Variants in APH1B observed in about 807,000 individuals in gnomAD.
APH1B encodes gamma-secretase subunit APH-1B.
In APH1B, 27 loss-of-function variants were observed where a neutral mutation model predicts 28.2. That is an observed-to-expected ratio of 0.96 (90% CI 0.70 to 1.32). APH1B has a LOEUF of 1.32. Among genes scored for constraint, APH1B ranks in the 40% most tolerant of loss-of-function variants. The pLI, the probability that APH1B is intolerant of heterozygous loss-of-function variation, is 0.00. For missense variants in APH1B, 305 were observed against 313.6 expected, an observed-to-expected ratio of 0.97 and a Z score of 0.21; for synonymous variants, 141 against 124.6, an observed-to-expected ratio of 1.13 and a Z score of -0.88.
chr15:63,287,275 A>C, intron 3 of APH1B, 149 bp from the exon 4 acceptor site: 1 of 1,005,846 alleles, frequency 9.9e-7, no homozygotes, highest in Non-Finnish European at 1.4e-6. Flanking sequence ...TTAGCCAAGC[A>C]CATGCCTCTC....
chr15:63,278,994 G>A (rs190909122), intron 1 of APH1B, among the ~76,000 whole-genome samples, 167 bp from the exon 2 acceptor site: 4 of 152,116 alleles, frequency 2.6e-5, no homozygotes, highest in Admixed American at 1.3e-4. Flanking sequence ...AAAATGCACC[G>A]TTAAGAACAA....
At chr15:63,286,510 C>CT (rs58838039) in intron 2 of APH1B, 48 bp from the exon 3 acceptor site, 106,566 of 1,215,002 alleles carry the variant, frequency 0.088, 4 homozygotes, top group Non-Finnish European at 0.1. Context: ...ATTGCTCTTC[C>CT]TTTTTTTTTT....
chr15:63,287,557 C>A lies in APH1B; in HGVS notation c.478+11C>A, dbSNP rs199856103. ...TCTTCCTTTATTCAGGTATGTGTCT[C>A]ATAGCTGTCAACATTCAGGCTTCTA... On this transcript the variant is annotated intron_variant, in intron 4 of 5. Transcript: ENST00000261879. 21 of 1,612,394 alleles carry A rather than the reference C, an allele frequency of 1.3e-5. No individual in the cohort carries two copies. The highest frequency in any genetic ancestry group is 1.7e-5 in the Non-Finnish European group (20 of 1,179,126).
At chr15:63,297,074 C>T (rs1012689829) in intron 4 of APH1B, among the ~76,000 whole-genome samples, 2 of 152,204 alleles carry the variant, frequency 1.3e-5, no homozygotes, top group Non-Finnish European at 2.9e-5. Flanking sequence ...CAGTTACAGT[C>T]GTCACAAACT....
At chr15:63,289,917 T>A (rs2038486806) in intron 4 of APH1B, among the ~76,000 whole-genome samples, 1 of 151,830 alleles carries the variant, frequency 6.6e-6, no homozygotes, top group Non-Finnish European at 1.5e-5. Context: ...GGTGGGAGAA[T>A]CATTGAGCCC....
rs2038692699 is a variant in APH1B at position 63,306,881 on chromosome 15, A to G, written c.*1100A>G. ...AATCTCACACTATTGCATAATCCAT[A>G]TGCTCTTTAGATCTAGTCAGTGTCT... On this transcript the variant is annotated 3_prime_UTR_variant, in exon 6 of 6. Transcript: ENST00000261879. 2 of 152,260 alleles carry G rather than the reference A, an allele frequency of 1.3e-5. No homozygotes were observed. The highest frequency in any genetic ancestry group is 1.3e-4 in the Admixed American group (2 of 15,284). 9.4% of individuals were successfully genotyped at this position (152,260 alleles called of 1,614,324 possible). A position where few individuals can be genotyped will look rare whatever the true frequency, so the allele number is the denominator to read the frequency against.
At chr15:63,288,139 AT>A (rs1274639151) in intron 4 of APH1B, among the ~76,000 whole-genome samples, 4 of 152,256 alleles carry the variant, frequency 2.6e-5, no homozygotes, top group Admixed American at 1.3e-4. Context: ...TCTTTTAAAA[AT>A]AGGGGGAGAA....
chr15:63,306,720 G>C lies in APH1B; in HGVS notation c.*939G>C, dbSNP rs2152603768. On this transcript the variant is annotated 3_prime_UTR_variant, in exon 6 of 6. Coordinates refer to ENST00000261879, the MANE Select transcript of APH1B (RefSeq NM_031301.4). ...CCCTGGGACAGGCTTCACTGGAGCTGGTGGAAGTATAACCAGAAGCACAAG... is the reference window on the plus strand; with the variant it reads ...CCCTGGGACAGGCTTCACTGGAGCTCGTGGAAGTATAACCAGAAGCACAAG... 6.6e-6 allele frequency: 1 copy of C among 152,324 alleles called. No homozygotes were observed. The highest frequency in any genetic ancestry group is 2.4e-5 in the African/African-American group (1 of 41,568). 9.4% of individuals were successfully genotyped at this position (152,324 alleles called of 1,614,324 possible).
At position 63,307,340 on chromosome 15, in the gene APH1B, C is replaced by T. The variant is rs902162176; in HGVS notation, c.*1559C>T. 2 of 152,066 alleles carry T rather than the reference C, an allele frequency of 1.3e-5. No individual in the cohort carries two copies. Among genetic ancestry groups the T allele is most frequent in the African/African-American group, 4.8e-5 (2 of 41,386 alleles). 9.4% of individuals were successfully genotyped at this position (152,066 alleles called of 1,614,324 possible). A position where few individuals can be genotyped will look rare whatever the true frequency, so the allele number is the denominator to read the frequency against. On this transcript the variant is annotated 3_prime_UTR_variant, in exon 6 of 6. Coordinates refer to ENST00000261879, the MANE Select transcript of APH1B (RefSeq NM_031301.4). ...ACCTTTATCGATATCAGTGAACCCC[C>T]ATGTTTAAAATATTAGAATGTTTAG...
In APH1B at chr15:63,302,898, A is replaced by G. The variant is rs147720115; in HGVS notation, c.606+426A>G. Among the ~76,000 whole-genome samples the G allele has an allele frequency of 4.2e-3, 639 of 152,304 alleles. 6 individuals are homozygous for G. Among genetic ancestry groups the G allele is most frequent in the African/African-American group, 0.015 (624 of 41,560 alleles). ...CTCTCTCTCTGTTTCTAATTAGAGT[A>G]TGATAATCAAGGATGGGGCCTTATC... is the stretch of plus-strand genomic sequence containing the variant. On this transcript the variant is annotated intron_variant, in intron 5 of 5. Coordinates refer to ENST00000261879, the MANE Select transcript of APH1B (RefSeq NM_031301.4).
At chr15:63,284,611 A>G (rs2038427065) in intron 2 of APH1B, among the ~76,000 whole-genome samples, 1 of 152,210 alleles carries the variant, frequency 6.6e-6, no homozygotes, top group Non-Finnish European at 1.5e-5. Context: ...CTACAACATT[A>G]TGACGTCACT....
intron 2 of APH1B, among the ~76,000 whole-genome samples, chr15:63,283,723 G>A (rs1333797002): frequency 6.6e-6 from 1 of 152,058 alleles, no homozygotes; most frequent in African/African-American, 2.4e-5. Context: ...TTTTTCTTTA[G>A]TTGCTTGTGG....
intron 2 of APH1B, among the ~76,000 whole-genome samples, chr15:63,284,203 A>G (rs2038421105): frequency 6.8e-6 from 1 of 148,024 alleles, no homozygotes; most frequent in Admixed American, 6.7e-5. Context: ...ACTGTACATA[A>G]TTGTATGTGC....
chr15:63,281,219 A>G lies in APH1B; in HGVS notation c.284+1888A>G, dbSNP rs552782298. Reference sequence around the variant, plus strand: ...ACCAGGTAAATGAAGTCTCTGCTGCATGGTTATAATTATCTCCCTTTCAAG... The same window carrying G: ...ACCAGGTAAATGAAGTCTCTGCTGCGTGGTTATAATTATCTCCCTTTCAAG... On this transcript the variant is annotated intron_variant, in intron 2 of 5. Coordinates refer to ENST00000261879, the MANE Select transcript of APH1B (RefSeq NM_031301.4). 1.5e-4 allele frequency among the ~76,000 whole-genome samples: 23 copies of G among 152,246 alleles called. 1 individual carries two copies. Among genetic ancestry groups the G allele is most frequent in the Admixed American group, 1.5e-3 (23 of 15,296 alleles).
intron 4 of APH1B, among the ~76,000 whole-genome samples, chr15:63,294,299 T>A: frequency 6.6e-6 from 1 of 152,110 alleles, no homozygotes; most frequent in Non-Finnish European, 1.5e-5. Context: ...GGAAAAAAAA[T>A]CCCACTATTT....
At position 63,277,685 on chromosome 15, in the gene APH1B, A is replaced by G. The variant is rs771874718; in HGVS notation, c.62A>G (p.Tyr21Cys). 2 of 1,609,862 alleles carry G rather than the reference A, an allele frequency of 1.2e-6. No individual in the cohort carries two copies. Among genetic ancestry groups the G allele is most frequent in the Non-Finnish European group, 8.5e-7 (1 of 1,178,448 alleles). The change falls in exon 1 of 6, where the codon TAT becomes TGT. Residue 21 changes from tyrosine to cysteine, a missense_variant. Transcript: ENST00000261879. The part of the protein sequence containing the change: ...FIAFGPALAL[Y>C]VFTIATEPLR... ...GCCTTCGGGCCTGCGCTCGCCCTTT[A>G]TGTCTTCACCATCGCCACCGAGCCG...
chr15:63,283,014 G>C (rs866777969), intron 2 of APH1B, among the ~76,000 whole-genome samples: 1 of 152,018 alleles, frequency 6.6e-6, no homozygotes, highest in Non-Finnish European at 1.5e-5. Flanking sequence ...TGCAAACAAA[G>C]AATTTTCCAC....
intron 2 of APH1B, among the ~76,000 whole-genome samples, chr15:63,282,394 A>C (rs1456648824): frequency 6.6e-6 from 1 of 152,196 alleles, no homozygotes; most frequent in Non-Finnish European, 1.5e-5. Context: ...AATAAATAAT[A>C]GTTTTATTTC....
intron 1 of APH1B, 88 bp from the exon 2 acceptor site, chr15:63,279,073 C>T (rs1224133538): frequency 1.2e-5 from 13 of 1,066,036 alleles, no homozygotes; most frequent in Admixed American, 8.3e-5. Flanking sequence ...TCTTCCTTCT[C>T]AAGCAGGTTT....
Sources: allele counts gnomAD v4.1 joint callset (sites outside exome capture counted in the v4.1 genomes callset), GRCh38; gene constraint gnomAD v4.1.1; transcripts MANE v1.5; gene names NCBI Gene and HGNC (gene_info 2026-07-23, HGNC 2026-07-21).